Variants in MIPOL1 observed in about 807,000 individuals in gnomAD.
MIPOL1 encodes the protein mirror-image polydactyly 1.
MIPOL1 carries 57 observed loss-of-function variants against 60.9 expected under a neutral mutation model. The observed-to-expected ratio is 0.94, with a 90% CI of 0.76 to 1.17. MIPOL1 has a LOEUF of 1.17. MIPOL1 is among the 50% of genes most tolerant of loss of function. MIPOL1 has a pLI of 0.00. For missense variants in MIPOL1, 551 were observed against 511.6 expected, an observed-to-expected ratio of 1.08 and a Z score of -0.74; for synonymous variants, 179 against 168.8, an observed-to-expected ratio of 1.06 and a Z score of -0.47.
At chr14:37,242,036 A>G (rs536885740) in intron 1 of MIPOL1, among the ~76,000 whole-genome samples, 22 of 151,840 alleles carry the variant, frequency 1.4e-4, no homozygotes, top group Admixed American at 1.4e-3. Context: ...AGTTTTTTCA[A>G]AGTTTCAAGG....
At chr14:37,461,980 C>T (rs768109058) in intron 11 of MIPOL1, among the ~76,000 whole-genome samples, 2 of 152,176 alleles carry the variant, frequency 1.3e-5, no homozygotes, top group African/African-American at 4.8e-5. Context: ...GACAGTGGCC[C>T]TCTTCTCACA....
At chr14:37,296,264 A>G (rs1485068986) in intron 7 of MIPOL1, among the ~76,000 whole-genome samples, 2 of 152,232 alleles carry the variant, frequency 1.3e-5, no homozygotes, top group Non-Finnish European at 2.9e-5. Flanking sequence ...AACGAGAACA[A>G]AGAAACAACA....
At chr14:37,231,181 G>T (rs1383862542) in intron 1 of MIPOL1, among the ~76,000 whole-genome samples, 1 of 152,048 alleles carries the variant, frequency 6.6e-6, no homozygotes, top group Non-Finnish European at 1.5e-5. Context: ...TCAAACTCCT[G>T]GTTTCAAGCG....
chr14:37,320,979 A>G (rs551497976), intron 9 of MIPOL1, among the ~76,000 whole-genome samples: 89 of 152,044 alleles, frequency 5.9e-4, no homozygotes, highest in Admixed American at 9.8e-4. Context: ...ATAATACTCC[A>G]TGGTCTTAAT....
At chr14:37,296,116 A>G (rs1255840048) in intron 7 of MIPOL1, among the ~76,000 whole-genome samples, 1 of 152,246 alleles carries the variant, frequency 6.6e-6, no homozygotes. Flanking sequence ...CTCAGACCAC[A>G]GTGCAATCAA....
rs115238756 is a variant in MIPOL1, at chr14:37,375,462, G to C, written c.936+5838G>C. ...GACCTCCCACAGTGCGGGGATTACAGACATGAGCTGCCATGCCCAGCCTCC... is the reference window on the plus strand; with the variant it reads ...GACCTCCCACAGTGCGGGGATTACACACATGAGCTGCCATGCCCAGCCTCC... On this transcript the variant is annotated intron_variant, in intron 10 of 12. Transcript: ENST00000684589. 5.0e-3 allele frequency among the ~76,000 whole-genome samples: 763 copies of C among 152,236 alleles called. 4 individuals are homozygous for C. The highest frequency in any genetic ancestry group is 0.017 in the African/African-American group (716 of 41,556).
intron 1 of MIPOL1, among the ~76,000 whole-genome samples, chr14:37,225,043 C>A (rs1464054952): frequency 6.6e-6 from 1 of 152,136 alleles, no homozygotes; most frequent in African/African-American, 2.4e-5. Flanking sequence ...CCTTTGACTC[C>A]ATGTCTCACA....
chr14:37,321,459 A>G (rs1025699232), intron 9 of MIPOL1, among the ~76,000 whole-genome samples: 3 of 152,014 alleles, frequency 2.0e-5, no homozygotes, highest in Non-Finnish European at 2.9e-5. Context: ...AATATAAGCT[A>G]TACTATTTCA....
chr14:37,356,588 G>C (rs901164114), intron 9 of MIPOL1, among the ~76,000 whole-genome samples: 1 of 152,200 alleles, frequency 6.6e-6, no homozygotes, highest in African/African-American at 2.4e-5. Context: ...CTCCGAGCCA[G>C]GTGCGGGATA....
chr14:37,491,437 T>A, intron 11 of MIPOL1, among the ~76,000 whole-genome samples: 1 of 152,076 alleles, frequency 6.6e-6, no homozygotes, highest in Non-Finnish European at 1.5e-5. Context: ...GCTGAGGTAG[T>A]AGAATCGCTT....
downstream of MIPOL1, chr14:37,551,436 G>T (rs2095561435): frequency 6.6e-6 from 1 of 151,878 alleles, no homozygotes. Context: ...ATGTCAATAT[G>T]AACAAATTTG....
intron 12 of MIPOL1, among the ~76,000 whole-genome samples, chr14:37,539,945 G>A (rs1216598188): frequency 6.6e-6 from 1 of 152,098 alleles, no homozygotes; most frequent in African/African-American, 2.4e-5. Context: ...CCCCCTTCCT[G>A]TTCTCATGAG....
chr14:37,353,455 T>G (rs2153475243), intron 9 of MIPOL1, among the ~76,000 whole-genome samples: 1 of 152,034 alleles, frequency 6.6e-6, no homozygotes, highest in Non-Finnish European at 1.5e-5. Flanking sequence ...CTTTTTCTAT[T>G]GATTGGAATA....
intron 9 of MIPOL1, among the ~76,000 whole-genome samples, chr14:37,341,562 T>A (rs1280867230): frequency 6.6e-6 from 1 of 152,176 alleles, no homozygotes; most frequent in Non-Finnish European, 1.5e-5. Context: ...AAGTATTACT[T>A]AAAAAATATC....
At chr14:37,357,586 C>G (rs561820134) in intron 9 of MIPOL1, among the ~76,000 whole-genome samples, 1 of 152,316 alleles carries the variant, frequency 6.6e-6, no homozygotes, top group Admixed American at 6.5e-5. Context: ...ATTATTTGGT[C>G]TTTTTAAAAA....
At position 37,548,396 on chromosome 14, in the gene MIPOL1, C is replaced by T. The variant is rs1299666187; in HGVS notation, c.*1425C>T. On this transcript the variant is annotated 3_prime_UTR_variant, in exon 13 of 13. Coordinates refer to ENST00000684589, the MANE Select transcript of MIPOL1 (RefSeq NM_001388067.1). ...TATTTCTTCCTTATTAAATCTGTATCCATTAAAGTAACTTTTTTAACTATG... is the reference window on the plus strand; with the variant it reads ...TATTTCTTCCTTATTAAATCTGTATTCATTAAAGTAACTTTTTTAACTATG... The T allele has an allele frequency of 6.6e-6, 1 of 151,846 alleles. No individual in the cohort carries two copies. The highest frequency in any genetic ancestry group is 1.5e-5 in the Non-Finnish European group (1 of 67,854). 9.4% of individuals were successfully genotyped at this position (151,846 alleles called of 1,614,324 possible). A position where few individuals can be genotyped will look rare whatever the true frequency, so the allele number is the denominator to read the frequency against.
intron 9 of MIPOL1, among the ~76,000 whole-genome samples, chr14:37,357,788 G>A (rs935251900): frequency 6.6e-6 from 1 of 151,690 alleles, no homozygotes; most frequent in Non-Finnish European, 1.5e-5. Flanking sequence ...GTCCATTTTT[G>A]TTTTGGTTGC....
At chr14:37,440,909 A>G (rs188731784) in intron 11 of MIPOL1, among the ~76,000 whole-genome samples, 1 of 152,218 alleles carries the variant, frequency 6.6e-6, no homozygotes, top group Admixed American at 6.6e-5. Flanking sequence ...ATGTCTGCCA[A>G]TTCACCAACA....
At chr14:37,379,964 C>A (rs1159306996) in intron 10 of MIPOL1, among the ~76,000 whole-genome samples, 1 of 151,996 alleles carries the variant, frequency 6.6e-6, no homozygotes, top group African/African-American at 2.4e-5. Flanking sequence ...TAACCCAAAG[C>A]CACCTAATGA....
Sources: allele counts gnomAD v4.1 joint callset (sites outside exome capture counted in the v4.1 genomes callset), GRCh38; gene constraint gnomAD v4.1.1; transcripts MANE v1.5; gene names NCBI Gene and HGNC (gene_info 2026-07-23, HGNC 2026-07-21).